The following NCK2 variants were observed in gnomAD, a reference collection of about 807,000 sequenced individuals.
The protein encoded by NCK2 is NCK adaptor protein 2.
NCK2 carries 16 observed loss-of-function variants against 33.9 expected under a neutral mutation model. That is an observed-to-expected ratio of 0.47 (90% CI 0.32 to 0.72). The LOEUF is 0.72. NCK2 is among the 30% of genes least tolerant of loss of function. The pLI is 0.03. For synonymous variants in NCK2, 273 were observed against 239.9 expected, an observed-to-expected ratio of 1.14 and a Z score of -1.27; for missense variants, 418 against 537.3, an observed-to-expected ratio of 0.78 and a Z score of 2.19.
chr2:105,774,095 G>T (rs1690226105), intron 1 of NCK2, among the ~76,000 whole-genome samples: 1 of 149,824 alleles, frequency 6.7e-6, no homozygotes, highest in South Asian at 2.1e-4. Flanking sequence ...TGCAACCTCT[G>T]TCTCCCAGGT....
intron 1 of NCK2, among the ~76,000 whole-genome samples, chr2:105,770,257 C>A (rs1317147184): frequency 6.6e-6 from 1 of 151,958 alleles, no homozygotes; most frequent in East Asian, 1.9e-4. Context: ...GGACAGAATT[C>A]TTTTCTACAG....
chr2:105,893,054 G>C lies in NCK2; in HGVS notation c.1021G>C (p.Val341Leu). ...CTTCAAGGTGCAGCTCGTGGACAAT[G>C]TCTACTGCATTGGGCAGCGGCGCTT... is the stretch of plus-strand genomic sequence containing the variant. ...KHFKVQLVDN[V>L]YCIGQRRFHT... Residue 341 changes from valine (V) to leucine (L), a missense_variant, in exon 5 of 5, where the codon GTC becomes CTC. Physicochemically the swap from Val to Leu is conservative, Grantham distance 32. Coordinates refer to ENST00000233154, the MANE Select transcript of NCK2 (RefSeq NM_003581.5). 1 of 1,614,192 alleles carries C rather than the reference G, an allele frequency of 6.2e-7. No homozygotes were observed. The highest frequency in any genetic ancestry group is 1.1e-5 in the South Asian group (1 of 91,084).
intron 3 of NCK2, among the ~76,000 whole-genome samples, chr2:105,874,744 G>A (rs1678167725): frequency 6.6e-6 from 1 of 152,002 alleles, no homozygotes. Flanking sequence ...CATCTGAAAG[G>A]GGATATAAAA....
chr2:105,746,777 C>T (rs1159055581), intron 1 of NCK2, among the ~76,000 whole-genome samples: 1 of 152,158 alleles, frequency 6.6e-6, no homozygotes, highest in Non-Finnish European at 1.5e-5. Flanking sequence ...GTATATTCTG[C>T]CCTGGAGGTT....
rs73946609 is a variant in NCK2 at position 105,894,022 on chromosome 2, A to G, written c.*846A>G. 5 of 48,422 alleles carry G rather than the reference A, an allele frequency of 1.0e-4. No individual in the cohort carries two copies. In the Admixed American group the frequency reaches 1.1e-3, roughly 10 times the overall value. 3.0% of individuals were successfully genotyped at this position (48,422 alleles called of 1,614,324 possible). ...GTGCACACACACACACACACACACT[A>G]TATATATATATATTATTTACAGGGA... On this transcript the variant is annotated 3_prime_UTR_variant, in exon 5 of 5. Coordinates refer to ENST00000233154, the MANE Select transcript of NCK2 (RefSeq NM_003581.5).
At chr2:105,856,890 C>T (rs1175664149) in intron 3 of NCK2, 5 of 151,988 alleles carry the variant, frequency 3.3e-5, no homozygotes, top group Non-Finnish European at 1.5e-5. Context: ...ACTGTGGTTA[C>T]CAAAAAAAGA....
chr2:105,842,435 T>C (rs11124064), intron 2 of NCK2, among the ~76,000 whole-genome samples: 105,140 of 151,992 alleles, frequency 0.69, 36,936 homozygotes, highest in African/African-American at 0.83. Context: ...GAGGAAAGTT[T>C]GTAACATTTT....
At chr2:105,880,958 T>TC (rs1678450255) in intron 3 of NCK2, among the ~76,000 whole-genome samples, 2 of 68,274 alleles carry the variant, frequency 2.9e-5, no homozygotes, top group Non-Finnish European at 5.9e-5. Context: ...TTTTTTTTTT[T>TC]TTTTTTTTTT....
intron 1 of NCK2, among the ~76,000 whole-genome samples, chr2:105,758,730 A>T (rs1327597962): frequency 2.0e-5 from 3 of 152,122 alleles, no homozygotes; most frequent in Non-Finnish European, 4.4e-5. Context: ...TTTTAAATGC[A>T]GTGTTTGAAA....
At chr2:105,848,728 C>G (rs986906384) in intron 2 of NCK2, 1 of 152,158 alleles carries the variant, frequency 6.6e-6, no homozygotes. Context: ...TGAAACAAGC[C>G]CCTTCCCAAA....
intron 1 of NCK2, among the ~76,000 whole-genome samples, chr2:105,750,782 A>G (rs1321718666): frequency 2.0e-5 from 3 of 152,252 alleles, no homozygotes; most frequent in Non-Finnish European, 2.9e-5. Flanking sequence ...AATTGAGACC[A>G]TGATAAAATA....
chr2:105,882,138 T>C, intron 4 of NCK2, 89 bp downstream of exon 4: 1 of 1,338,530 alleles, frequency 7.5e-7, no homozygotes, highest in South Asian at 2.2e-5. Context: ...TCACATTGTG[T>C]GAGTACACTA....
chr2:105,804,595 G>A (rs1217428536), intron 1 of NCK2, among the ~76,000 whole-genome samples: 3 of 152,182 alleles, frequency 2.0e-5, no homozygotes, highest in Admixed American at 6.5e-5. Flanking sequence ...CATTAATTGG[G>A]CAGCTGCCAT....
intron 1 of NCK2, among the ~76,000 whole-genome samples, chr2:105,758,635 C>T (rs1019014065): frequency 2.6e-5 from 4 of 151,960 alleles, no homozygotes; most frequent in African/African-American, 9.7e-5. Flanking sequence ...GTCTTGAACT[C>T]CTGACCTTGT....
At chr2:105,871,952 C>T (rs1368116050) in intron 3 of NCK2, among the ~76,000 whole-genome samples, 2 of 152,148 alleles carry the variant, frequency 1.3e-5, no homozygotes, top group Non-Finnish European at 2.9e-5. Context: ...GCTGAGATTT[C>T]GTGCAAGGGA....
At chr2:105,882,203 G>C (rs3739131) in intron 4 of NCK2, among the ~76,000 whole-genome samples, 154 bp downstream of exon 4, 9,160 of 152,342 alleles carry the variant, frequency 0.06, 493 homozygotes, top group Admixed American at 0.17. Context: ...GCTACTCCGT[G>C]ATTTACTTGC....
intron 3 of NCK2, among the ~76,000 whole-genome samples, chr2:105,857,763 T>G (rs1677340528): frequency 6.6e-6 from 1 of 152,240 alleles, no homozygotes. Flanking sequence ...ATTTTTTGTT[T>G]TGATCTCTTT....
intron 1 of NCK2, among the ~76,000 whole-genome samples, chr2:105,759,456 A>G (rs1689694953): frequency 2.3e-5 from 2 of 87,620 alleles, no homozygotes. Flanking sequence ...CCCTATGCAT[A>G]CAGGCTTTTA....
chr2:105,780,976 C>A (rs1031593234), intron 1 of NCK2, among the ~76,000 whole-genome samples: 2 of 152,212 alleles, frequency 1.3e-5, no homozygotes, highest in African/African-American at 2.4e-5. Flanking sequence ...AGTCACCCAG[C>A]CTTGACTAAG....
Sources: allele counts gnomAD v4.1 joint callset (sites outside exome capture counted in the v4.1 genomes callset), GRCh38; gene constraint gnomAD v4.1.1; transcripts MANE v1.5; gene names NCBI Gene and HGNC (gene_info 2026-07-23, HGNC 2026-07-21).